The following CCDC102B variants were observed in gnomAD, a reference collection of about 807,000 sequenced individuals.
CCDC102B encodes coiled-coil domain-containing protein 102B.
In CCDC102B, 75 loss-of-function variants were observed where a neutral mutation model predicts 57.4. The ratio of observed to expected loss-of-function variants is 1.31; its 90% CI spans 1.08 to 1.58. The LOEUF (loss-of-function observed/expected upper bound fraction) is 1.58. Among genes scored for constraint, CCDC102B ranks in the 40% most tolerant of loss-of-function variants. The pLI is 0.00. For missense variants in CCDC102B, 636 were observed against 582.6 expected (o/e 1.09, Z -0.94); for synonymous variants, 206 against 201.9 (o/e 1.02, Z -0.17).
upstream of CCDC102B, among the ~76,000 whole-genome samples, chr18:68,797,123 C>T (rs1401775899): frequency 1.3e-5 from 2 of 151,948 alleles, no homozygotes; most frequent in African/African-American, 4.8e-5. Context: ...AAGTTTAGCT[C>T]GATGGGTCAA....
At chr18:68,879,031 G>C (rs556159297) in intron 5 of CCDC102B, among the ~76,000 whole-genome samples, 44 of 152,204 alleles carry the variant, frequency 2.9e-4, no homozygotes, top group Non-Finnish European at 5.4e-4. Flanking sequence ...TCGTGGTCTC[G>C]CTGGCTCAGG....
intron 6 of CCDC102B, among the ~76,000 whole-genome samples, chr18:69,001,036 C>A (rs545743909): frequency 6.6e-6 from 1 of 152,242 alleles, no homozygotes; most frequent in East Asian, 1.9e-4. Flanking sequence ...CAAGCCAATG[C>A]ACCCACACAC....
At chr18:69,013,231 A>G (rs1401508221) in intron 7 of CCDC102B, among the ~76,000 whole-genome samples, 3 of 150,110 alleles carry the variant, frequency 2.0e-5, no homozygotes, top group African/African-American at 5.1e-5. Context: ...GCAACAACAT[A>G]GATGAAGCTG....
intron 5 of CCDC102B, among the ~76,000 whole-genome samples, chr18:68,880,545 T>C (rs1380667455): frequency 1.3e-5 from 2 of 152,216 alleles, no homozygotes; most frequent in African/African-American, 4.8e-5. Flanking sequence ...ACTGCCAGCA[T>C]GCTGTCACCT....
chr18:68,956,589 ATATATATAT>A (rs1283143627), intron 6 of CCDC102B, among the ~76,000 whole-genome samples: 32 of 54,044 alleles, frequency 5.9e-4, no homozygotes, highest in African/African-American at 1.3e-3. Context: ...TATAAATATT[ATATATATAT>A]TATATATATA....
chr18:68,998,993 TATATATAGAGAGAGAGAGAGAGAGAG>T (rs2051120282), intron 6 of CCDC102B, among the ~76,000 whole-genome samples: 1 of 54,616 alleles, frequency 1.8e-5, no homozygotes, highest in South Asian at 6.8e-4. Flanking sequence ...TATATATATA[TATATATAGAGAGAGAGAGAGAGAGAG>T]AGAGAGAGAG....
At chr18:68,885,222 C>T (rs1044844119) in intron 5 of CCDC102B, among the ~76,000 whole-genome samples, 2 of 151,618 alleles carry the variant, frequency 1.3e-5, no homozygotes, top group African/African-American at 2.4e-5. Context: ...GAATGAGTCA[C>T]CCAGAAAGTA....
chr18:68,761,940 T>C (rs900836033), intron 2 of CCDC102B, among the ~76,000 whole-genome samples: 2 of 152,168 alleles, frequency 1.3e-5, no homozygotes, highest in Non-Finnish European at 2.9e-5. Flanking sequence ...GTTTCTCTTC[T>C]TCATTTTAAA....
rs566110118 is a variant in CCDC102B at position 69,025,483 on chromosome 18, T to G, written c.1434+14379T>G. Among the ~76,000 whole-genome samples the G allele has an allele frequency of 1.2e-4, 19 of 152,294 alleles. No individual in the cohort carries two copies. The South Asian group carries it at 3.1e-3, about 25-fold the overall frequency. On this transcript the variant is annotated intron_variant, in intron 7 of 7. Coordinates refer to ENST00000360242, the MANE Select transcript of CCDC102B (RefSeq NM_024781.3). ...GTGATAGTGTTGAGAACAGGTACAC[T>G]ACTGCATGTGCGTGTAAGCTATTTG...
intron 1 of CCDC102B, among the ~76,000 whole-genome samples, chr18:68,829,886 T>C (rs1450172552): frequency 2.6e-5 from 4 of 151,998 alleles, no homozygotes; most frequent in African/African-American, 9.7e-5. Context: ...AAAGAAAATC[T>C]ATTATTTTAA....
At chr18:68,888,675 C>T (rs184109168) in intron 5 of CCDC102B, among the ~76,000 whole-genome samples, 2 of 152,234 alleles carry the variant, frequency 1.3e-5, no homozygotes, top group East Asian at 3.9e-4. Flanking sequence ...CTCAGGTTAA[C>T]ATATTTTTAG....
At chr18:68,882,306 T>C (rs1263047392) in intron 5 of CCDC102B, among the ~76,000 whole-genome samples, 6 of 152,224 alleles carry the variant, frequency 3.9e-5, no homozygotes, top group South Asian at 2.1e-4. Context: ...ACAATGACTT[T>C]AGCAACATGT....
intron 1 of CCDC102B, among the ~76,000 whole-genome samples, chr18:68,810,680 GTTTTTTTTTTTTT>G (rs61714863): frequency 1.3e-5 from 1 of 77,042 alleles, no homozygotes; most frequent in African/African-American, 5.1e-5. Flanking sequence ...TCTTTTCTTT[GTTTTTTTTTTTTT>G]TTTTTTTTTT....
At chr18:68,869,477 C>T (rs540515833) in intron 4 of CCDC102B, among the ~76,000 whole-genome samples, 3 of 152,234 alleles carry the variant, frequency 2.0e-5, no homozygotes, top group East Asian at 1.9e-4. Context: ...GTAGCAGAAG[C>T]GAGTGAGAAG....
In CCDC102B at chr18:68,838,906, A is replaced by C; in HGVS notation, c.807A>C (p.Lys269Asn). The change falls in exon 3 of 8, where the codon AAA (lysine) becomes AAC (asparagine). Residue 269 changes from lysine (K) to asparagine (N), a missense_variant. Transcript: ENST00000360242. ...ALQVHLDEFQ[K>N]ILWKEREMRT... The stretch of plus-strand genomic sequence containing the variant: ...AGGTGCATTTGGATGAATTCCAAAA[A>C]ATCTTATGGAAGGAAAGAGAGTAAG... 1.2e-6 allele frequency: 2 copies of C among 1,613,630 alleles called. No homozygotes were observed. The highest frequency in any genetic ancestry group is 2.2e-5 in the South Asian group (2 of 91,060).
chr18:68,998,325 CTATA>C (rs10590960), intron 6 of CCDC102B, among the ~76,000 whole-genome samples: 128,201 of 149,360 alleles, frequency 0.86, 56,915 homozygotes, highest in Non-Finnish European at 0.97. Context: ...ACATGTGTCT[CTATA>C]TACATACATC....
rs145906418 is a variant in CCDC102B at position 68,762,677 on chromosome 18, G to T, written c.-67+46083G>T. Among the ~76,000 whole-genome samples the T allele has an allele frequency of 6.0e-3, 921 of 152,238 alleles. 8 individuals are homozygous for T. The highest frequency in any genetic ancestry group is 0.021 in the African/African-American group (875 of 41,548). Reference sequence around the variant, plus strand: ...AAGCATCGTGTGTGGAGGTTGTGAAGATTACAATAAGAAACAACCTACCTG... The same window carrying T: ...AAGCATCGTGTGTGGAGGTTGTGAATATTACAATAAGAAACAACCTACCTG... On this transcript the variant is annotated intron_variant, in intron 2 of 3. Transcript: ENST00000578970.
intron 4 of CCDC102B, among the ~76,000 whole-genome samples, chr18:68,869,690 T>G (rs2144913427): frequency 6.6e-6 from 1 of 152,380 alleles, no homozygotes; most frequent in Middle Eastern, 3.4e-3. Flanking sequence ...ACTCTGATGA[T>G]AGTTTCTTTT....
At chr18:68,789,880 C>T (rs894528130) in intron 2 of CCDC102B, among the ~76,000 whole-genome samples, 87 of 151,502 alleles carry the variant, frequency 5.7e-4, no homozygotes, top group Non-Finnish European at 9.9e-4. Flanking sequence ...TGAGGAACTG[C>T]GTTCCTTTGG....
Sources: allele counts gnomAD v4.1 joint callset (sites outside exome capture counted in the v4.1 genomes callset), GRCh38; gene constraint gnomAD v4.1.1; transcripts MANE v1.5; gene names NCBI Gene and HGNC (gene_info 2026-07-23, HGNC 2026-07-21).